ALKBH5: variants seen among roughly 807,000 people sequenced by gnomAD.
The protein encoded by ALKBH5 is RNA demethylase ALKBH5.
A neutral mutation model predicts 32.1 loss-of-function variants in ALKBH5; 2 were observed. The observed-to-expected ratio is 0.06, with a 90% CI of 0.03 to 0.20. ALKBH5 has a LOEUF of 0.20. Ranked by LOEUF, ALKBH5 falls within the 10% of genes least tolerant of loss-of-function variation. The pLI is 1.00. For missense variants in ALKBH5, 352 were observed against 559.5 expected (o/e 0.63, Z 3.74); for synonymous variants, 300 against 231.7 (o/e 1.29, Z -2.68).
chr17:18,196,191 A>G (rs1172162748), intron 2 of ALKBH5, among the ~76,000 whole-genome samples: 2 of 150,226 alleles, frequency 1.3e-5, no homozygotes, highest in Admixed American at 6.7e-5. Context: ...TGGCTGTAAC[A>G]GTTTCTCAGA....
intron 1 of ALKBH5, among the ~76,000 whole-genome samples, chr17:18,189,704 G>A (rs1326163260): frequency 6.6e-6 from 1 of 152,216 alleles, no homozygotes; most frequent in African/African-American, 2.4e-5. Flanking sequence ...TGAGGCCTCA[G>A]TTTTCCTCAT....
rs2047125909 is a variant in ALKBH5, at chr17:18,184,549, G to A, written c.306G>A (p.Lys102=). 1 of 1,613,356 alleles carries A rather than the reference G, an allele frequency of 6.2e-7. No homozygotes were observed. The highest frequency in any genetic ancestry group is 8.5e-7 in the Non-Finnish European group (1 of 1,180,010). The change falls in exon 1 of 4, where the codon AAG becomes AAA. Residue 102 remains lysine, a synonymous_variant. Transcript: ENST00000399138. ...TCTTCAGCCAGGACGAGTGCGCCAAGATCGAGGCCCGCATTGACGAGGTGG... is the reference window on the plus strand; with the variant it reads ...TCTTCAGCCAGGACGAGTGCGCCAAAATCGAGGCCCGCATTGACGAGGTGG... The part of the protein sequence containing the change: ...MRLFSQDECA[K]IEARIDEVVS...
chr17:18,192,265 C>T (rs1269172111), intron 1 of ALKBH5, among the ~76,000 whole-genome samples: 1 of 152,116 alleles, frequency 6.6e-6, no homozygotes, highest in African/African-American at 2.4e-5. Flanking sequence ...TGTCAGGCAC[C>T]CTGCATTATC....
In ALKBH5 at chr17:18,184,750, C is replaced by T. The variant is rs771741734; in HGVS notation, c.507C>T (p.His169=). The T allele has an allele frequency of 3.7e-6, 6 of 1,613,704 alleles. No individual in the cohort carries two copies. The South Asian group carries it at 5.5e-5, about 15-fold the overall frequency. ...TGGACGAGATCCCCGAGTGGGTGCA[C>T]CAGCTGGTGATCCAAAAGCTGGTGG... ...GDVDEIPEWV[H]QLVIQKLVEH... Residue 169 remains histidine, a synonymous_variant, in exon 1 of 4, where the codon CAC becomes CAT. Coordinates refer to ENST00000399138, the MANE Select transcript of ALKBH5 (RefSeq NM_017758.4).
At chr17:18,203,071 T>TAAA (rs771396075) in intron 2 of ALKBH5, among the ~76,000 whole-genome samples, 5 of 133,512 alleles carry the variant, frequency 3.7e-5, no homozygotes, top group East Asian at 2.2e-4. Flanking sequence ...GATTGTCTTT[T>TAAA]AAAAAAAAAA....
chr17:18,198,477 G>A (rs531819180), intron 2 of ALKBH5, among the ~76,000 whole-genome samples: 1 of 152,332 alleles, frequency 6.6e-6, no homozygotes, highest in South Asian at 2.1e-4. Flanking sequence ...GCATTGCCCG[G>A]AGATAAGTAT....
intron 1 of ALKBH5, among the ~76,000 whole-genome samples, chr17:18,189,884 C>T (rs2047163448): frequency 6.6e-6 from 1 of 152,216 alleles, no homozygotes; most frequent in Non-Finnish European, 1.5e-5. Flanking sequence ...GGTTGACCTT[C>T]CCTCTGGATT....
chr17:18,204,873 A>C (rs911190258), intron 2 of ALKBH5, among the ~76,000 whole-genome samples: 3 of 152,060 alleles, frequency 2.0e-5, no homozygotes, highest in African/African-American at 7.2e-5. Flanking sequence ...CAGCCTAGGC[A>C]AAATGGTGGT....
At chr17:18,197,192 G>A (rs537921173) in intron 2 of ALKBH5, among the ~76,000 whole-genome samples, 1 of 152,360 alleles carries the variant, frequency 6.6e-6, no homozygotes, top group South Asian at 2.1e-4. Context: ...ACACGTGGGA[G>A]CTCCAGAAAC....
chr17:18,193,846 G>A (rs758368852), intron 1 of ALKBH5, among the ~76,000 whole-genome samples: 6 of 152,186 alleles, frequency 3.9e-5, no homozygotes, highest in Non-Finnish European at 7.3e-5. Context: ...GCCAGGTAGG[G>A]AAACTAAGCC....
Position 18,208,649 on chromosome 17 carries a change from T to C in ALKBH5, c.*253T>C. Reference sequence around the variant, plus strand: ...GTTGGCATCAATAGGGGACAGAGGCTGATGCTGGAGTGGCCAGTAGAGGTG... The same window carrying C: ...GTTGGCATCAATAGGGGACAGAGGCCGATGCTGGAGTGGCCAGTAGAGGTG... On this transcript the variant is annotated 3_prime_UTR_variant, in exon 4 of 4. Transcript: ENST00000399138. 1.7e-6 allele frequency: 1 copy of C among 604,502 alleles called. No individual in the cohort carries two copies. The highest frequency in any genetic ancestry group is 1.7e-5 in the South Asian group (1 of 60,062). 37.4% of individuals were successfully genotyped at this position (604,502 alleles called of 1,614,324 possible). A position where few individuals can be genotyped will look rare whatever the true frequency, so the allele number is the denominator to read the frequency against.
In ALKBH5 at chr17:18,202,319, C is replaced by CA. The variant is rs542279722; in HGVS notation, c.852-4490dup. ...CGAGACTCCGACTCAAAACAAAAAA[C>CA]AAAAAACAAAAAAAAACAGAAGTCT... On this transcript the variant is annotated intron_variant, in intron 2 of 3. Transcript: ENST00000399138. 2.4e-3 allele frequency among the ~76,000 whole-genome samples: 368 copies of CA among 151,302 alleles called. 1 individual carries two copies. Among genetic ancestry groups the CA allele is most frequent in the South Asian group, 8.4e-3 (40 of 4,774 alleles).
intron 1 of ALKBH5, among the ~76,000 whole-genome samples, chr17:18,193,244 G>GA (rs1283769441): frequency 0.059 from 79 of 1,338 alleles, no homozygotes; most frequent in African/African-American, 0.092. Flanking sequence ...GGGAGAAGGT[G>GA]GATCTATAAA....
chr17:18,186,972 A>T (rs148650848), intron 1 of ALKBH5, among the ~76,000 whole-genome samples: 136 of 152,262 alleles, frequency 8.9e-4, no homozygotes, highest in African/African-American at 3.1e-3. Flanking sequence ...GGCACAGGGT[A>T]GGTACTTAAA....
intron 1 of ALKBH5, among the ~76,000 whole-genome samples, chr17:18,190,857 A>G (rs2047170151): frequency 6.6e-6 from 1 of 152,172 alleles, no homozygotes; most frequent in Non-Finnish European, 1.5e-5. Flanking sequence ...AAGGCCCCCA[A>G]AAGAGGAGAT....
chr17:18,183,930 T>A lies in ALKBH5; in HGVS notation c.-314T>A. 1.8e-6 allele frequency: 1 copy of A among 559,114 alleles called. No homozygotes were observed. Among genetic ancestry groups the A allele is most frequent in the Non-Finnish European group, 3.3e-6 (1 of 299,218 alleles). 34.6% of individuals were successfully genotyped at this position (559,114 alleles called of 1,614,324 possible). ...GGGCCGGGCCGGGCGTCCGAGGGTC[T>A]GGTCGGGAGTCGGGCCGCGTCTCCG... On this transcript the variant is annotated 5_prime_UTR_variant, in exon 1 of 4. Coordinates refer to ENST00000399138, the MANE Select transcript of ALKBH5 (RefSeq NM_017758.4).
Position 18,209,245 on chromosome 17 carries a change from T to A in ALKBH5, c.*849T>A, listed in dbSNP as rs1448867075. The A allele has an allele frequency of 6.5e-6, 1 of 152,706 alleles. No homozygotes were observed. Among genetic ancestry groups the A allele is most frequent in the African/African-American group, 2.4e-5 (1 of 41,470 alleles). The allele number at this position is 152,706 out of a possible 1,614,324, so 9.5% of individuals were successfully genotyped here. ...CTAGAGGGACTGGTGTCCTTCCAAG[T>A]CTAGCATTTGGGGTATGGAAAATTG... On this transcript the variant is annotated 3_prime_UTR_variant, in exon 4 of 4. Transcript: ENST00000399138.
chr17:18,208,091 A>G, intron 3 of ALKBH5, 128 bp from the exon 4 acceptor site: 1 of 992,132 alleles, frequency 1.0e-6, no homozygotes, highest in Non-Finnish European at 1.5e-6. Context: ...GGCCTCTGCC[A>G]GGACTACCCT....
chr17:18,207,386 G>A (rs939213726), intron 3 of ALKBH5, among the ~76,000 whole-genome samples: 5 of 152,218 alleles, frequency 3.3e-5, no homozygotes, highest in Middle Eastern at 6.8e-3. Context: ...TGTTTTGGCC[G>A]GCACAGTGGC....
Sources: gnomAD v4.1 joint callset for allele counts (sites outside exome capture counted in the v4.1 genomes callset) on GRCh38, gnomAD v4.1.1 for gene constraint, MANE v1.5 for transcripts, NCBI Gene and HGNC (gene_info 2026-07-23, HGNC 2026-07-21) for gene names.